The following DGKB variants were observed in gnomAD, a reference collection of about 807,000 sequenced individuals.
DGKB encodes the protein 90 kDa diacylglycerol kinase.
Under a neutral mutation model 114.3 loss-of-function variants are expected in DGKB, and 67 were observed. That is an observed-to-expected ratio of 0.59 (90% CI 0.48 to 0.72). The LOEUF is 0.72. Among genes scored for constraint, DGKB ranks in the 30% least tolerant of loss-of-function variants. The pLI is 0.00. For missense variants in DGKB, 907 were observed against 975.2 expected (o/e 0.93, Z 0.93); for synonymous variants, 398 against 323.1 (o/e 1.23, Z -2.49).
At chr7:14,812,354 A>C (rs992605036) in intron 2 of DGKB, among the ~76,000 whole-genome samples, 3 of 151,950 alleles carry the variant, frequency 2.0e-5, no homozygotes, top group Non-Finnish European at 4.4e-5. Flanking sequence ...AATGGTATTG[A>C]AGTTTTCTTT....
At chr7:14,225,603 C>T (rs956935361) in intron 23 of DGKB, among the ~76,000 whole-genome samples, 1 of 151,916 alleles carries the variant, frequency 6.6e-6, no homozygotes, top group South Asian at 2.1e-4. Flanking sequence ...GCTAAGGCCA[C>T]ATAAGCAAAT....
At chr7:14,895,970 A>G (rs1782039425) in intron 1 of DGKB, among the ~76,000 whole-genome samples, 1 of 151,696 alleles carries the variant, frequency 6.6e-6, no homozygotes, top group African/African-American at 2.4e-5. Context: ...ATAAACTACA[A>G]ACTCATCTTT....
chr7:14,452,825 A>G (rs762407497), intron 21 of DGKB, among the ~76,000 whole-genome samples: 4 of 152,086 alleles, frequency 2.6e-5, no homozygotes, highest in Non-Finnish European at 5.9e-5. Context: ...ACAAACCTAG[A>G]TATTTTTATT....
chr7:14,217,584 G>C (rs1024697888), intron 23 of DGKB, among the ~76,000 whole-genome samples: 4 of 151,262 alleles, frequency 2.6e-5, no homozygotes, highest in Non-Finnish European at 5.9e-5. Flanking sequence ...ATGCTGACCA[G>C]TTACACGGGA....
intron 21 of DGKB, among the ~76,000 whole-genome samples, chr7:14,436,984 C>G (rs1829379555): frequency 6.6e-6 from 1 of 152,054 alleles, no homozygotes; most frequent in African/African-American, 2.4e-5. Context: ...TTTCACCTTT[C>G]TTAATGAACA....
chr7:14,468,066 A>C (rs1780737387), intron 21 of DGKB, among the ~76,000 whole-genome samples: 1 of 152,166 alleles, frequency 6.6e-6, no homozygotes, highest in Non-Finnish European at 1.5e-5. Flanking sequence ...GATAGAATGA[A>C]TCCTAACACA....
At chr7:14,515,541 A>T (rs989128817) in intron 20 of DGKB, among the ~76,000 whole-genome samples, 2 of 152,220 alleles carry the variant, frequency 1.3e-5, no homozygotes, top group Non-Finnish European at 2.9e-5. Flanking sequence ...AAAGTTGGAT[A>T]TCAACAGATT....
chr7:14,341,284 T>C (rs1811562498), intron 22 of DGKB, among the ~76,000 whole-genome samples: 2 of 151,898 alleles, frequency 1.3e-5, no homozygotes, highest in African/African-American at 4.8e-5. Context: ...TTCCTCTGTT[T>C]GCTTTAACGT....
chr7:14,611,093 T>A (rs1262681200), intron 16 of DGKB, among the ~76,000 whole-genome samples: 1 of 152,094 alleles, frequency 6.6e-6, no homozygotes, highest in East Asian at 1.9e-4. Flanking sequence ...TCTCCTTCTT[T>A]CATTGGGCAA....
chr7:14,885,216 T>C (rs981988715), intron 1 of DGKB, among the ~76,000 whole-genome samples: 1 of 151,974 alleles, frequency 6.6e-6, no homozygotes, highest in South Asian at 2.1e-4. Context: ...AAGGGATTGC[T>C]AACACTGCAA....
chr7:14,767,798 A>G (rs1438875230), intron 2 of DGKB, among the ~76,000 whole-genome samples: 1 of 151,990 alleles, frequency 6.6e-6, no homozygotes, highest in African/African-American at 2.4e-5. Context: ...TTGAATGTGT[A>G]CATTAAAAAT....
At chr7:14,538,298 A>ATTTT (rs1477116875) in intron 20 of DGKB, among the ~76,000 whole-genome samples, 7 of 152,058 alleles carry the variant, frequency 4.6e-5, no homozygotes, top group Non-Finnish European at 8.8e-5. Context: ...AAAACAACAA[A>ATTTT]ATAACCCAGT....
intron 2 of DGKB, among the ~76,000 whole-genome samples, chr7:14,790,933 C>A (rs1840581417): frequency 6.6e-6 from 1 of 152,084 alleles, no homozygotes; most frequent in Non-Finnish European, 1.5e-5. Flanking sequence ...GACTCCCAAC[C>A]ATGAATTGTA....
At chr7:14,775,004 A>C (rs1185154608) in intron 2 of DGKB, among the ~76,000 whole-genome samples, 1 of 152,172 alleles carries the variant, frequency 6.6e-6, no homozygotes, top group East Asian at 1.9e-4. Flanking sequence ...AAAAGCACTT[A>C]AATATAAGAA....
intron 1 of DGKB, among the ~76,000 whole-genome samples, chr7:14,961,882 C>T (rs1786865178): frequency 6.6e-6 from 1 of 152,086 alleles, no homozygotes; most frequent in Non-Finnish European, 1.5e-5. Context: ...GCCTCTGCTG[C>T]TCAGAGGATC....
intron 25 of DGKB, among the ~76,000 whole-genome samples, chr7:14,156,641 C>A (rs1236820787): frequency 6.6e-6 from 1 of 151,970 alleles, no homozygotes; most frequent in Non-Finnish European, 1.5e-5. Flanking sequence ...GGCTCACAGG[C>A]CATAATTTGC....
chr7:14,385,407 A>G (rs1033481972), intron 21 of DGKB, among the ~76,000 whole-genome samples: 3 of 152,216 alleles, frequency 2.0e-5, no homozygotes, highest in Non-Finnish European at 1.5e-5. Context: ...AGGTCCAGGG[A>G]AGATGTACTA....
intron 23 of DGKB, among the ~76,000 whole-genome samples, chr7:14,259,482 G>A (rs1424542739): frequency 2.6e-5 from 4 of 151,410 alleles, no homozygotes; most frequent in East Asian, 3.9e-4. Flanking sequence ...GCTGGAGTGC[G>A]GTGGCGTGAT....
At chr7:14,370,799 T>A (rs1420963531) in intron 21 of DGKB, among the ~76,000 whole-genome samples, 3 of 152,136 alleles carry the variant, frequency 2.0e-5, no homozygotes, top group African/African-American at 7.2e-5. Context: ...CAATAGTTTT[T>A]CAACTCTTGT....
Sources: allele counts gnomAD v4.1 joint callset (sites outside exome capture counted in the v4.1 genomes callset), GRCh38; gene constraint gnomAD v4.1.1; transcripts MANE v1.5; gene names NCBI Gene and HGNC (gene_info 2026-07-23, HGNC 2026-07-21).